The following FBLL1 variants were observed in gnomAD, a reference collection of about 807,000 sequenced individuals.
FBLL1 encodes the protein RNA 2'-O-methyltransferase FBLL1.
FBLL1 carries 6 observed loss-of-function variants against 5.7 expected under a neutral mutation model. The ratio of observed to expected loss-of-function variants is 1.05; its 90% CI spans 0.57 to 2.07. FBLL1 has a LOEUF of 2.07. Among genes scored for constraint, FBLL1 ranks in the 30% most tolerant of loss-of-function variants. The probability of loss-of-function intolerance (pLI) is 0.00; values close to 1 mark genes in which losing one functional copy is unlikely to be tolerated. For missense variants in FBLL1, 258 were observed against 165.2 expected, an observed-to-expected ratio of 1.56 and a Z score of -3.08; for synonymous variants, 133 against 75.1, an observed-to-expected ratio of 1.77 and a Z score of -3.99.
Position 168,530,121 on chromosome 5 carries a change from A to G in FBLL1, c.617A>G (p.His206Arg). 1 of 762,648 alleles carries G rather than the reference A, an allele frequency of 1.3e-6. No individual in the cohort carries two copies. The highest frequency in any genetic ancestry group is 2.4e-6 in the Non-Finnish European group (1 of 416,892). 47.2% of individuals were successfully genotyped at this position (762,648 alleles called of 1,614,324 possible). A position where few individuals can be genotyped will look rare whatever the true frequency, so the allele number is the denominator to read the frequency against. ...DGLVYAVEFS[H>R]RAGRDLVNVA... Reference sequence around the variant, plus strand: ...CTGGTCTACGCCGTCGAGTTCTCCCACCGCGCCGGCCGCGATCTGGTCAAC... The same window carrying G: ...CTGGTCTACGCCGTCGAGTTCTCCCGCCGCGCCGGCCGCGATCTGGTCAAC... The change falls in exon 1 of 1, where the codon CAC becomes CGC. Residue 206 changes from histidine (H) to arginine (R), a missense_variant. Physicochemically the swap from His to Arg is conservative, Grantham distance 29. Transcript: ENST00000338333. This position sits in a 1 kb window ranked among gnomAD's most constrained non-coding sequence, Gnocchi z 4.9.
In FBLL1 at chr5:168,529,695, G is replaced by C. The variant is rs1234856594; in HGVS notation, c.191G>C (p.Arg64Pro). Reference protein sequence around the residue: ...ARGFGGGGRGRGRGGGDGKDR... With the variant: ...ARGFGGGGRGPGRGGGDGKDR... ...GGCTTCGGCGGGGGCGGCCGGGGCC[G>C]GGGGCGCGGCGGCGGCGACGGCAAG... Residue 64 changes from arginine to proline, a missense_variant, in exon 1 of 1, where the codon CGG becomes CCG. Physicochemically the swap from Arg to Pro is moderately radical, Grantham distance 103. Transcript: ENST00000338333. The surrounding 1 kb of genome is among the most constrained non-coding windows in gnomAD (Gnocchi z 7.2). The C allele has an allele frequency of 3.7e-5, 13 of 346,804 alleles. No individual in the cohort carries two copies. The highest frequency in any genetic ancestry group is 6.2e-5 in the Non-Finnish European group (12 of 192,856). The allele number at this position is 346,804 out of a possible 1,614,324, so 21.5% of individuals were successfully genotyped here.
rs1198450147 is a variant in FBLL1 at position 168,530,622 on chromosome 5, T to G, written c.*113T>G. On this transcript the variant is annotated 3_prime_UTR_variant, in exon 1 of 1. Coordinates refer to ENST00000338333, the MANE Select transcript of FBLL1 (RefSeq NM_001355274.2). This position sits in a 1 kb window ranked among gnomAD's most constrained non-coding sequence, Gnocchi z 4.9. ...TTTGTTGTTTTTCTATTAAACTGCA[T>G]AAAGAAACGGCACCTATCTGTATGG... 8.2e-6 allele frequency: 5 copies of G among 610,012 alleles called. No homozygotes were observed. Among genetic ancestry groups the G allele is most frequent in the African/African-American group, 1.8e-5 (1 of 54,140 alleles). 37.8% of individuals were successfully genotyped at this position (610,012 alleles called of 1,614,324 possible).
rs1251303924 is a variant in FBLL1 at position 168,529,878 on chromosome 5, C to T, written c.374C>T (p.Pro125Leu). 2 of 714,776 alleles carry T rather than the reference C, an allele frequency of 2.8e-6. No individual in the cohort carries two copies. Among genetic ancestry groups the T allele is most frequent in the Admixed American group, 1.9e-5 (1 of 51,580 alleles). The allele number at this position is 714,776 out of a possible 1,614,324, so 44.3% of individuals were successfully genotyped here. A position where few individuals can be genotyped will look rare whatever the true frequency, so the allele number is the denominator to read the frequency against. ...EDALVTLNMVPGQSVYGERRV... is the reference protein window; with the variant it reads ...EDALVTLNMVLGQSVYGERRV... ...GCGCTGGTCACGCTGAACATGGTGC[C>T]GGGCCAGTCTGTGTACGGCGAGAGG... Residue 125 changes from proline to leucine, a missense_variant, in exon 1 of 1, where the codon CCG (proline) becomes CTG (leucine). Coordinates refer to ENST00000338333, the MANE Select transcript of FBLL1 (RefSeq NM_001355274.2). The surrounding 1 kb of genome is among the most constrained non-coding windows in gnomAD (Gnocchi z 7.2).
rs1758958733 is a variant in FBLL1 at position 168,530,370 on chromosome 5, CTG to C, written c.870_871del (p.Phe291CysfsTer3). ...ATCGACTCCACCGCATCCGCCGAGG[CTG>C]TGTTTGCTTCTGAGGTGAGGAAGTT... On this transcript the variant is annotated frameshift_variant, in exon 1 of 1. Transcript: ENST00000338333. LOFTEE classifies it high-confidence loss of function. This position sits in a 1 kb window ranked among gnomAD's most constrained non-coding sequence, Gnocchi z 4.9. The C allele has an allele frequency of 2.6e-6, 2 of 765,354 alleles. No individual in the cohort carries two copies. The highest frequency in any genetic ancestry group is 4.8e-6 in the Non-Finnish European group (2 of 417,848). The allele number at this position is 765,354 out of a possible 1,614,324, so 47.4% of individuals were successfully genotyped here. A position where few individuals can be genotyped will look rare whatever the true frequency, so the allele number is the denominator to read the frequency against.
Position 168,530,523 on chromosome 5 carries a change from C to T in FBLL1, c.*14C>T, listed in dbSNP as rs1758961613. The T allele has an allele frequency of 2.7e-6, 2 of 752,688 alleles. No homozygotes were observed. Among genetic ancestry groups the T allele is most frequent in the Admixed American group, 1.7e-5 (1 of 57,596 alleles). The allele number at this position is 752,688 out of a possible 1,614,324, so 46.6% of individuals were successfully genotyped here. A position where few individuals can be genotyped will look rare whatever the true frequency, so the allele number is the denominator to read the frequency against. On this transcript the variant is annotated 3_prime_UTR_variant, in exon 1 of 1. Coordinates refer to ENST00000338333, the MANE Select transcript of FBLL1 (RefSeq NM_001355274.2). The surrounding 1 kb of genome is among the most constrained non-coding windows in gnomAD (Gnocchi z 4.9). ...AGCAGCAAATAGCACCCAGCTCAGGCTCGCCTGCCATCTCCCCAAGGCTGC... is the reference window on the plus strand; with the variant it reads ...AGCAGCAAATAGCACCCAGCTCAGGTTCGCCTGCCATCTCCCCAAGGCTGC...
At position 168,529,709 on chromosome 5, in the gene FBLL1, GGCGACGGCAAGGATC is replaced by G; in HGVS notation, c.209_223del (p.Asp70_Arg74del). 7.6e-6 allele frequency: 3 copies of G among 396,068 alleles called. No homozygotes were observed. The highest frequency in any genetic ancestry group is 4.5e-6 in the Non-Finnish European group (1 of 224,614). 24.5% of individuals were successfully genotyped at this position (396,068 alleles called of 1,614,324 possible). On this transcript the variant is annotated inframe_deletion, in exon 1 of 1. Transcript: ENST00000338333. This position sits in a 1 kb window ranked among gnomAD's most constrained non-coding sequence, Gnocchi z 7.2. ...CGGCCGGGGCCGGGGGCGCGGCGGC[GGCGACGGCAAGGATC>G]GCGGCGGCGGTGGACAGCGGCGGGG...
rs561354803 is a variant in FBLL1 at position 168,530,219 on chromosome 5, A to C, written c.715A>C (p.Ile239Leu). The change falls in exon 1 of 1, where the codon ATC (isoleucine) becomes CTC (leucine). Residue 239 changes from isoleucine (I) to leucine (L), a missense_variant. By Grantham distance (5) the Ile-to-Leu change is conservative (BLOSUM62 2). Transcript: ENST00000338333. The surrounding 1 kb of genome is among the most constrained non-coding windows in gnomAD (Gnocchi z 4.9). ...ARHPLKYRML[I>L]GMVDVIFADV... is the part of the protein sequence containing the mutation. ...GCACCCGCTCAAGTACCGCATGCTC[A>C]TCGGGATGGTGGACGTGATCTTCGC... The C allele has an allele frequency of 2.0e-4, 156 of 765,684 alleles. No homozygotes were observed. Among genetic ancestry groups the C allele is most frequent in the Non-Finnish European group, 3.4e-4 (143 of 417,948 alleles). The allele number at this position is 765,684 out of a possible 1,614,324, so 47.4% of individuals were successfully genotyped here. A position where few individuals can be genotyped will look rare whatever the true frequency, so the allele number is the denominator to read the frequency against.
At position 168,529,537 on chromosome 5, in the gene FBLL1, TGGGGGCGGCCGCGGGGGCGGC is replaced by T. The variant is rs1396950547; in HGVS notation, c.36_56del (p.Gly13_Gly19del). 1 of 146,804 alleles carries T rather than the reference TGGGGGCGGCCGCGGGGGCGGC, an allele frequency of 6.8e-6. No individual in the cohort carries two copies. Among genetic ancestry groups the T allele is most frequent in the Non-Finnish European group, 1.5e-5 (1 of 66,734 alleles). 9.1% of individuals were successfully genotyped at this position (146,804 alleles called of 1,614,324 possible). A position where few individuals can be genotyped will look rare whatever the true frequency, so the allele number is the denominator to read the frequency against. On this transcript the variant is annotated inframe_deletion, in exon 1 of 1. Coordinates refer to ENST00000338333, the MANE Select transcript of FBLL1 (RefSeq NM_001355274.2). The surrounding 1 kb of genome is among the most constrained non-coding windows in gnomAD (Gnocchi z 7.2). ...CGGCCGCGAGCTCGCGCGGGGGCGG[TGGGGGCGGCCGCGGGGGCGGC>T]GGCTGGGGCAGCTGGGGCGGGGGCC...
rs1434666667 is a variant in FBLL1 at position 168,530,060 on chromosome 5, G to A, written c.556G>A (p.Val186Ile). Reference protein sequence around the residue: ...LYLGAASGTTVSHVSDIIGPD... With the variant: ...LYLGAASGTTISHVSDIIGPD... ...CCTGGGCGCCGCGTCGGGCACCACC[G>A]TCTCCCATGTCTCCGACATCATTGG... Residue 186 changes from valine to isoleucine, a missense_variant, in exon 1 of 1, where the codon GTC becomes ATC. Physicochemically the swap from Val to Ile is conservative, Grantham distance 29. Coordinates refer to ENST00000338333, the MANE Select transcript of FBLL1 (RefSeq NM_001355274.2). The surrounding 1 kb of genome is among the most constrained non-coding windows in gnomAD (Gnocchi z 4.9). The A allele has an allele frequency of 4.0e-6, 3 of 757,068 alleles. No individual in the cohort carries two copies. The highest frequency in any genetic ancestry group is 2.7e-5 in the South Asian group (2 of 73,180). 46.9% of individuals were successfully genotyped at this position (757,068 alleles called of 1,614,324 possible). A position where few individuals can be genotyped will look rare whatever the true frequency, so the allele number is the denominator to read the frequency against.
At position 168,529,692 on chromosome 5, in the gene FBLL1, G is replaced by T. The variant is rs1368065629; in HGVS notation, c.188G>T (p.Gly63Val). 1 of 333,028 alleles carries T rather than the reference G, an allele frequency of 3.0e-6. No homozygotes were observed. Among genetic ancestry groups the T allele is most frequent in the Non-Finnish European group, 5.4e-6 (1 of 183,884 alleles). 20.6% of individuals were successfully genotyped at this position (333,028 alleles called of 1,614,324 possible). A position where few individuals can be genotyped will look rare whatever the true frequency, so the allele number is the denominator to read the frequency against. ...CGCGGCTTCGGCGGGGGCGGCCGGGGCCGGGGGCGCGGCGGCGGCGACGGC... is the reference window on the plus strand; with the variant it reads ...CGCGGCTTCGGCGGGGGCGGCCGGGTCCGGGGGCGCGGCGGCGGCGACGGC... Reference protein sequence around the residue: ...RARGFGGGGRGRGRGGGDGKD... With the variant: ...RARGFGGGGRVRGRGGGDGKD... Residue 63 changes from glycine to valine, a missense_variant, in exon 1 of 1, where the codon GGC becomes GTC. By Grantham distance (109) the Gly-to-Val change is moderately radical (BLOSUM62 -3). Transcript: ENST00000338333. The surrounding 1 kb of genome is among the most constrained non-coding windows in gnomAD (Gnocchi z 7.2).
chr5:168,529,993 G>T lies in FBLL1; in HGVS notation c.489G>T (p.Gly163=), dbSNP rs774813326. ...RSKLAAAILG[G]VDQIHIKPKS... ...AGCTGGCCGCGGCCATCCTGGGCGGGGTGGACCAGATCCACATCAAGCCCA... is the reference window on the plus strand; with the variant it reads ...AGCTGGCCGCGGCCATCCTGGGCGGTGTGGACCAGATCCACATCAAGCCCA... The change falls in exon 1 of 1, where the codon GGG becomes GGT. Residue 163 remains glycine (G), a synonymous_variant. Coordinates refer to ENST00000338333, the MANE Select transcript of FBLL1 (RefSeq NM_001355274.2). The surrounding 1 kb of genome is among the most constrained non-coding windows in gnomAD (Gnocchi z 7.2). The T allele has an allele frequency of 2.7e-6, 2 of 752,558 alleles. No individual in the cohort carries two copies. The highest frequency in any genetic ancestry group is 4.9e-6 in the Non-Finnish European group (2 of 412,110). The allele number at this position is 752,558 out of a possible 1,614,324, so 46.6% of individuals were successfully genotyped here.
chr5:168,529,816 G>T lies in FBLL1; in HGVS notation c.312G>T (p.Arg104=). 1.4e-6 allele frequency: 1 copy of T among 701,012 alleles called. No homozygotes were observed. 43.4% of individuals were successfully genotyped at this position (701,012 alleles called of 1,614,324 possible). A position where few individuals can be genotyped will look rare whatever the true frequency, so the allele number is the denominator to read the frequency against. ...TGGTGGTGTCGGTGGAGCCGCACCG[G>T]CACGAGGGCGTCTTCATCTACCGCG... ...GAMVVSVEPH[R]HEGVFIYRGA... is the part of the protein sequence containing the mutation. The change falls in exon 1 of 1, where the codon CGG becomes CGT. Residue 104 remains arginine (R), a synonymous_variant. Coordinates refer to ENST00000338333, the MANE Select transcript of FBLL1 (RefSeq NM_001355274.2). This position sits in a 1 kb window ranked among gnomAD's most constrained non-coding sequence, Gnocchi z 7.2.
rs1341105618 is a variant in FBLL1 at position 168,530,217 on chromosome 5, T to C, written c.713T>C (p.Leu238Pro). 1.3e-6 allele frequency: 1 copy of C among 765,680 alleles called. No homozygotes were observed. The highest frequency in any genetic ancestry group is 2.4e-5 in the East Asian group (1 of 41,240). 47.4% of individuals were successfully genotyped at this position (765,680 alleles called of 1,614,324 possible). A position where few individuals can be genotyped will look rare whatever the true frequency, so the allele number is the denominator to read the frequency against. The change falls in exon 1 of 1, where the codon CTC becomes CCC. Residue 238 changes from leucine to proline, a missense_variant. By Grantham distance (98) the Leu-to-Pro change is moderately conservative (BLOSUM62 -3). Coordinates refer to ENST00000338333, the MANE Select transcript of FBLL1 (RefSeq NM_001355274.2). The surrounding 1 kb of genome is among the most constrained non-coding windows in gnomAD (Gnocchi z 4.9). The stretch of plus-strand genomic sequence containing the variant: ...CGGCACCCGCTCAAGTACCGCATGC[T>C]CATCGGGATGGTGGACGTGATCTTC... ...DARHPLKYRM[L>P]IGMVDVIFAD...
In FBLL1 at chr5:168,529,897, C is replaced by T; in HGVS notation, c.393C>T (p.Gly131=). The stretch of plus-strand genomic sequence containing the variant: ...TGGTGCCGGGCCAGTCTGTGTACGG[C>T]GAGAGGCGCGTCACGGTGACCGAGG... ...LNMVPGQSVY[G]ERRVTVTEGG... The change falls in exon 1 of 1, where the codon GGC becomes GGT. Residue 131 remains glycine (G), a synonymous_variant. Coordinates refer to ENST00000338333, the MANE Select transcript of FBLL1 (RefSeq NM_001355274.2). The surrounding 1 kb of genome is among the most constrained non-coding windows in gnomAD (Gnocchi z 7.2). The T allele has an allele frequency of 1.4e-6, 1 of 721,272 alleles. No homozygotes were observed. The highest frequency in any genetic ancestry group is 2.6e-5 in the East Asian group (1 of 38,980). 44.7% of individuals were successfully genotyped at this position (721,272 alleles called of 1,614,324 possible). A position where few individuals can be genotyped will look rare whatever the true frequency, so the allele number is the denominator to read the frequency against.
Position 168,530,207 on chromosome 5 carries a change from T to C in FBLL1, c.703T>C (p.Tyr235His), listed in dbSNP as rs1294753154. 5.2e-6 allele frequency: 4 copies of C among 765,616 alleles called. No individual in the cohort carries two copies. The highest frequency in any genetic ancestry group is 3.4e-5 in the Admixed American group (2 of 59,036). The allele number at this position is 765,616 out of a possible 1,614,324, so 47.4% of individuals were successfully genotyped here. A position where few individuals can be genotyped will look rare whatever the true frequency, so the allele number is the denominator to read the frequency against. The change falls in exon 1 of 1, where the codon TAC (tyrosine) becomes CAC (histidine). Residue 235 changes from tyrosine to histidine, a missense_variant. Transcript: ENST00000338333. This position sits in a 1 kb window ranked among gnomAD's most constrained non-coding sequence, Gnocchi z 4.9. ...GGAGGACGCGCGGCACCCGCTCAAG[T>C]ACCGCATGCTCATCGGGATGGTGGA... The part of the protein sequence containing the change: ...VLEDARHPLK[Y>H]RMLIGMVDVI...
rs1758948504 is a variant in FBLL1 at position 168,529,924 on chromosome 5, C to T, written c.420C>T (p.Gly140=). The T allele has an allele frequency of 1.4e-6, 1 of 729,952 alleles. No homozygotes were observed. The highest frequency in any genetic ancestry group is 2.5e-6 in the Non-Finnish European group (1 of 400,856). 45.2% of individuals were successfully genotyped at this position (729,952 alleles called of 1,614,324 possible). ...AGAGGCGCGTCACGGTGACCGAGGG[C>T]GGCGTGAAGCAGGAGTACCGCACGT... ...YGERRVTVTE[G]GVKQEYRTWN... The change falls in exon 1 of 1, where the codon GGC becomes GGT. Residue 140 remains glycine (G), a synonymous_variant. Transcript: ENST00000338333. This position sits in a 1 kb window ranked among gnomAD's most constrained non-coding sequence, Gnocchi z 7.2.
rs199911358 is a variant in FBLL1 at position 168,529,565 on chromosome 5, G to A, written c.61G>A (p.Gly21Ser). 18,947 of 147,344 alleles carry A rather than the reference G, an allele frequency of 0.13. 1,630 individuals are homozygous for A. The highest frequency in any genetic ancestry group is 0.19 in the Non-Finnish European group (12,644 of 66,032). The allele number at this position is 147,344 out of a possible 1,614,324, so 9.1% of individuals were successfully genotyped here. ...GGGGRGGGGW[G>S]SWGGGRGGGG... ...GGGCGGCCGCGGGGGCGGCGGCTGG[G>A]GCAGCTGGGGCGGGGGCCGAGGCGG... The change falls in exon 1 of 1, where the codon GGC (glycine) becomes AGC (serine). Residue 21 changes from glycine to serine, a missense_variant. Physicochemically the swap from Gly to Ser is moderately conservative, Grantham distance 56. Transcript: ENST00000338333. This position sits in a 1 kb window ranked among gnomAD's most constrained non-coding sequence, Gnocchi z 7.2.
chr5:168,530,338 C>CAA lies in FBLL1; in HGVS notation c.835_836dup (p.Asn279LysfsTer18). The CAA allele has an allele frequency of 1.3e-6, 1 of 765,578 alleles. No individual in the cohort carries two copies. Among genetic ancestry groups the CAA allele is most frequent in the Non-Finnish European group, 2.4e-6 (1 of 417,940 alleles). The allele number at this position is 765,578 out of a possible 1,614,324, so 47.4% of individuals were successfully genotyped here. Reference sequence around the variant, plus strand: ...GCCACTTTCTCATCTCCATCAAGGCCAACTGCATCGACTCCACCGCATCCG... The same window carrying CAA: ...GCCACTTTCTCATCTCCATCAAGGCCAAAACTGCATCGACTCCACCGCATCCG... On this transcript the variant is annotated frameshift_variant, in exon 1 of 1. Coordinates refer to ENST00000338333, the MANE Select transcript of FBLL1 (RefSeq NM_001355274.2). LOFTEE classifies it high-confidence loss of function. The surrounding 1 kb of genome is among the most constrained non-coding windows in gnomAD (Gnocchi z 4.9).
rs535264718 is a variant in FBLL1 at position 168,529,785 on chromosome 5, G to A, written c.281G>A (p.Gly94Asp). Residue 94 changes from glycine to aspartate, a missense_variant, in exon 1 of 1, where the codon GGC (glycine) becomes GAC (aspartate). By Grantham distance (94) the Gly-to-Asp change is moderately conservative. Transcript: ENST00000338333. The surrounding 1 kb of genome is among the most constrained non-coding windows in gnomAD (Gnocchi z 7.2). ...VAKSKSRRRK[G>D]AMVVSVEPHR... ...AAGAGCAAGAGCCGCCGCAGGAAGG[G>A]CGCCATGGTGGTGTCGGTGGAGCCG... 4.3e-6 allele frequency: 3 copies of A among 697,092 alleles called. No homozygotes were observed. The highest frequency in any genetic ancestry group is 4.0e-5 in the Admixed American group (2 of 49,544). The allele number at this position is 697,092 out of a possible 1,614,324, so 43.2% of individuals were successfully genotyped here. A position where few individuals can be genotyped will look rare whatever the true frequency, so the allele number is the denominator to read the frequency against.
Sources: allele counts gnomAD v4.1 joint callset, GRCh38; gene constraint gnomAD v4.1.1; non-coding constraint Gnocchi (gnomAD v3.1); transcripts MANE v1.5; gene names NCBI Gene and HGNC (gene_info 2026-07-23, HGNC 2026-07-21).